ASTN1: variants seen among roughly 807,000 people sequenced by gnomAD.
The protein encoded by ASTN1 is astrotactin 1, also known as astrotactin-1.
A neutral mutation model predicts 140.7 loss-of-function variants in ASTN1; 41 were observed. That is an observed-to-expected ratio of 0.29 (90% CI 0.23 to 0.38). The LOEUF (loss-of-function observed/expected upper bound fraction) is 0.38. Among genes scored for constraint, ASTN1 ranks in the 10% least tolerant of loss-of-function variants. ASTN1 has a pLI of 1.00. For synonymous variants in ASTN1, 640 were observed against 652.2 expected (o/e 0.98, Z 0.29); for missense variants, 1,479 against 1,678.8 (o/e 0.88, Z 2.08).
intron 1 of ASTN1, among the ~76,000 whole-genome samples, chr1:177,082,902 C>T (rs1679249184): frequency 1.3e-5 from 2 of 152,124 alleles, no homozygotes; most frequent in Admixed American, 1.3e-4. Flanking sequence ...CACTCATTTC[C>T]TTATCAATGC....
intron 1 of ASTN1, among the ~76,000 whole-genome samples, chr1:177,094,021 G>A (rs1679902943): frequency 6.6e-6 from 1 of 152,114 alleles, no homozygotes; most frequent in East Asian, 1.9e-4. Context: ...AAAATTTCAG[G>A]AACTTCCAGG....
At chr1:177,083,694 G>C (rs1679285684) in intron 1 of ASTN1, among the ~76,000 whole-genome samples, 1 of 152,018 alleles carries the variant, frequency 6.6e-6, no homozygotes, top group African/African-American at 2.4e-5. Flanking sequence ...AAGGATAATG[G>C]AATTCAACAA....
intron 12 of ASTN1, among the ~76,000 whole-genome samples, chr1:176,946,372 G>A (rs2103111827): frequency 6.6e-6 from 1 of 152,254 alleles, no homozygotes; most frequent in Middle Eastern, 3.4e-3. Context: ...GAACTTTAGA[G>A]TAGCCTCTCC....
chr1:176,857,450 G>C, downstream of ASTN1: 4 of 406,318 alleles, frequency 9.8e-6, no homozygotes, highest in Non-Finnish European at 8.7e-6. Flanking sequence ...GGACAAATAG[G>C]AGCAACCTAT....
chr1:177,081,151 C>A (rs930026140), intron 1 of ASTN1, among the ~76,000 whole-genome samples: 1 of 152,096 alleles, frequency 6.6e-6, no homozygotes, highest in Non-Finnish European at 1.5e-5. Context: ...AAAGCCAAGG[C>A]CTTCTCATTG....
chr1:176,909,048 A>G (rs1388290784), intron 16 of ASTN1, among the ~76,000 whole-genome samples: 1 of 152,150 alleles, frequency 6.6e-6, no homozygotes, highest in Non-Finnish European at 1.5e-5. Context: ...GGGTGAAAGT[A>G]GGATTAGGAA....
At chr1:177,020,240 C>T (rs911805343) in intron 7 of ASTN1, among the ~76,000 whole-genome samples, 2 of 152,184 alleles carry the variant, frequency 1.3e-5, no homozygotes, top group African/African-American at 2.4e-5. Context: ...ACAGTAAAAG[C>T]ATACCACAAA....
intron 20 of ASTN1, among the ~76,000 whole-genome samples, chr1:176,881,506 G>A (rs895280892): frequency 6.6e-6 from 1 of 152,174 alleles, no homozygotes; most frequent in African/African-American, 2.4e-5. Flanking sequence ...GATAGTTCAA[G>A]TTTCACTGAG....
chr1:176,949,373 C>G (rs1263726059), intron 11 of ASTN1, 22 bp from the exon 12 acceptor site: 1 of 1,603,580 alleles, frequency 6.2e-7, no homozygotes, highest in African/African-American at 1.3e-5. Context: ...AGAAAACATC[C>G]ACATACGTGG....
At chr1:176,992,181 C>A (rs1674214233) in intron 8 of ASTN1, among the ~76,000 whole-genome samples, 1 of 152,090 alleles carries the variant, frequency 6.6e-6, no homozygotes, top group Non-Finnish European at 1.5e-5. Flanking sequence ...AGTTGGGAAC[C>A]ATGGAAATAA....
At chr1:176,882,776 G>A in intron 20 of ASTN1, 83 bp downstream of exon 20, 1 of 1,560,248 alleles carries the variant, frequency 6.4e-7, no homozygotes. Context: ...GTCTCTAAAG[G>A]AACTCAAGTA....
intron 8 of ASTN1, among the ~76,000 whole-genome samples, chr1:176,972,196 T>C (rs1287819362): frequency 6.6e-6 from 1 of 152,238 alleles, no homozygotes; most frequent in Non-Finnish European, 1.5e-5. Flanking sequence ...ATGTGGTCCA[T>C]TGTTGACTAA....
intron 14 of ASTN1, among the ~76,000 whole-genome samples, chr1:176,938,072 G>C (rs1671523915): frequency 6.6e-6 from 1 of 152,140 alleles, no homozygotes; most frequent in Non-Finnish European, 1.5e-5. Flanking sequence ...GCAATCAAAG[G>C]TAAGCTACCT....
chr1:177,062,943 A>G (rs546789139), intron 1 of ASTN1, among the ~76,000 whole-genome samples: 84 of 152,324 alleles, frequency 5.5e-4, no homozygotes, highest in African/African-American at 2.0e-3. Context: ...TTGTGGGAAC[A>G]CAGAAGAAGA....
chr1:177,039,417 C>T (rs983214370), intron 2 of ASTN1, among the ~76,000 whole-genome samples: 1 of 152,206 alleles, frequency 6.6e-6, no homozygotes, highest in African/African-American at 2.4e-5. Flanking sequence ...CTGGATATCA[C>T]TCATATCTTT....
chr1:176,947,888 G>A (rs1209767503), intron 12 of ASTN1, among the ~76,000 whole-genome samples: 4 of 152,090 alleles, frequency 2.6e-5, no homozygotes, highest in African/African-American at 9.7e-5. Context: ...TCAAATATAT[G>A]TTTATTAAAT....
chr1:176,981,621 G>C (rs1673625326), intron 8 of ASTN1: 1 of 152,480 alleles, frequency 6.6e-6, no homozygotes, highest in Non-Finnish European at 1.5e-5. Flanking sequence ...GTAGCAATCA[G>C]AGCTGGAGAG....
chr1:177,127,095 T>C (rs1681692838), intron 1 of ASTN1, among the ~76,000 whole-genome samples: 1 of 152,136 alleles, frequency 6.6e-6, no homozygotes, highest in Admixed American at 6.5e-5. Context: ...ACAAATCTTA[T>C]GCAGGTAGGT....
chr1:177,160,720 A>G (rs2102266595), intron 1 of ASTN1, among the ~76,000 whole-genome samples: 1 of 152,368 alleles, frequency 6.6e-6, no homozygotes, highest in Non-Finnish European at 1.5e-5. Context: ...GATATGAAAT[A>G]TTAGTTGACT....
Sources: allele counts gnomAD v4.1 joint callset (sites outside exome capture counted in the v4.1 genomes callset), GRCh38; gene constraint gnomAD v4.1.1; transcripts MANE v1.5; gene names NCBI Gene and HGNC (gene_info 2026-07-23, HGNC 2026-07-21).